Variants in PAQR8 observed in about 807,000 individuals in gnomAD.
PAQR8 encodes membrane progestin receptor beta.
A neutral mutation model predicts 25.2 loss-of-function variants in PAQR8; 17 were observed. The ratio of observed to expected loss-of-function variants is 0.67; its 90% CI spans 0.46 to 1.01. The LOEUF (loss-of-function observed/expected upper bound fraction) is 1.01, where lower values mean the gene tolerates loss of function less well. Among genes scored for constraint, PAQR8 ranks in the 50% least tolerant of loss-of-function variants. The pLI is 0.00. For missense variants in PAQR8, 392 were observed against 448.4 expected (o/e 0.87, Z 1.14); for synonymous variants, 204 against 190.6 (o/e 1.07, Z -0.58).
chr6:52,381,147 CA>C (rs71794438), intron 1 of PAQR8, among the ~76,000 whole-genome samples: 25,521 of 152,202 alleles, frequency 0.17, 2,469 homozygotes, highest in Non-Finnish European at 0.22. Flanking sequence ...TCTAAAGCTA[CA>C]ACACTAGCAG....
intron 1 of PAQR8, among the ~76,000 whole-genome samples, chr6:52,394,961 G>C (rs747605153): frequency 2.6e-5 from 4 of 151,900 alleles, no homozygotes; most frequent in Non-Finnish European, 5.9e-5. Flanking sequence ...GCGCTTCTAA[G>C]ATAAATTTTT....
At position 52,403,904 on chromosome 6, in the gene PAQR8, C is replaced by T. The variant is rs767947391; in HGVS notation, c.691C>T (p.Arg231Cys). The T allele has an allele frequency of 6.2e-7, 1 of 1,614,098 alleles. No individual in the cohort carries two copies. The highest frequency in any genetic ancestry group is 1.3e-5 in the African/African-American group (1 of 74,934). ...FILDISPVAH[R>C]VALCHLAGCQ... is the part of the protein sequence containing the mutation. The stretch of plus-strand genomic sequence containing the variant: ...CCTAGACATCAGCCCTGTGGCACAC[C>T]GTGTGGCGCTCTGTCACCTGGCTGG... The change falls in exon 2 of 2, where the codon CGT becomes TGT. Residue 231 changes from arginine to cysteine, a missense_variant. Physicochemically the swap from Arg to Cys is radical, Grantham distance 180 (BLOSUM62 -3). Transcript: ENST00000442253.
At chr6:52,397,258 A>T (rs75089818) in intron 1 of PAQR8, among the ~76,000 whole-genome samples, 1 of 152,062 alleles carries the variant, frequency 6.6e-6, no homozygotes, top group African/African-American at 2.4e-5. Context: ...TCCCTTCCTC[A>T]TTACTCCCCA....
Position 52,403,234 on chromosome 6 carries a change from G to A in PAQR8, c.21G>A (p.Glu7=), listed in dbSNP as rs763802734. 1.3e-6 allele frequency: 2 copies of A among 1,597,944 alleles called. No homozygotes were observed. The highest frequency in any genetic ancestry group is 1.7e-6 in the Non-Finnish European group (2 of 1,167,570). Residue 7 remains glutamate (E), a synonymous_variant, in exon 2 of 2, where the codon GAG becomes GAA. Transcript: ENST00000442253. ...CTGCCATGACGACCGCCATCTTGGA[G>A]CGCCTGAGCACCCTGTCGGTCAGCG... MTTAIL[E]RLSTLSVSGQ...
chr6:52,404,765 A>G lies in PAQR8; in HGVS notation c.*487A>G, dbSNP rs1038771380. The G allele has an allele frequency of 3.5e-5, 6 of 172,698 alleles. No individual in the cohort carries two copies. The highest frequency in any genetic ancestry group is 1.4e-4 in the African/African-American group (6 of 41,480). The allele number at this position is 172,698 out of a possible 1,614,324, so 10.7% of individuals were successfully genotyped here. On this transcript the variant is annotated 3_prime_UTR_variant, in exon 2 of 2. Transcript: ENST00000442253. ...GGATTTCAAATTGTCCAGAGTGGAA[A>G]AGCCTTCAAGATGACATGATGAATT...
In PAQR8 at chr6:52,376,727, G is replaced by T. The variant is rs190767068; in HGVS notation, c.-53+14478G>T. 1.4e-4 allele frequency among the ~76,000 whole-genome samples: 21 copies of T among 152,202 alleles called. No homozygotes were observed. The East Asian group carries it at 4.0e-3, about 29-fold the overall frequency. ...CATACTTAAGCTGAAATCACTTCTG[G>T]CTTACTGTTGTTCTTTATTTTCTGC... is the stretch of plus-strand genomic sequence containing the variant. On this transcript the variant is annotated intron_variant, in intron 1 of 1. Transcript: ENST00000442253.
chr6:52,384,265 G>A (rs975391216), intron 1 of PAQR8, among the ~76,000 whole-genome samples: 3 of 152,218 alleles, frequency 2.0e-5, no homozygotes, highest in African/African-American at 7.2e-5. Context: ...CATGGCTGAG[G>A]TTAAAAGGAA....
Position 52,403,226 on chromosome 6 carries a change from A to G in PAQR8, c.13A>G (p.Ile5Val), listed in dbSNP as rs572302477. ...GCGGGCCGCTGCCATGACGACCGCC[A>G]TCTTGGAGCGCCTGAGCACCCTGTC... MTTA[I>V]LERLSTLSVS... is the part of the protein sequence containing the mutation. Residue 5 changes from isoleucine to valine, a missense_variant, in exon 2 of 2, where the codon ATC (isoleucine) becomes GTC (valine). By Grantham distance (29) the Ile-to-Val change is conservative. Coordinates refer to ENST00000442253, the MANE Select transcript of PAQR8 (RefSeq NM_133367.5). The G allele has an allele frequency of 6.7e-5, 107 of 1,595,818 alleles. No homozygotes were observed. In the South Asian group the frequency reaches 1.1e-3, roughly 16 times the overall value.
intron 1 of PAQR8, among the ~76,000 whole-genome samples, chr6:52,363,404 T>C (rs1763313684): frequency 6.6e-6 from 1 of 152,152 alleles, no homozygotes; most frequent in African/African-American, 2.4e-5. Flanking sequence ...AAAAAATTAG[T>C]TATGGAGTGA....
rs375014343 is a variant in PAQR8, at chr6:52,377,574, T to C, written c.-53+15325T>C. On this transcript the variant is annotated intron_variant, in intron 1 of 1. Coordinates refer to ENST00000442253, the MANE Select transcript of PAQR8 (RefSeq NM_133367.5). Reference sequence around the variant, plus strand: ...ATATTCCACTTTAGAGAAAAAAATATCAAAACACAGGAAAATCAAATGCTA... The same window carrying C: ...ATATTCCACTTTAGAGAAAAAAATACCAAAACACAGGAAAATCAAATGCTA... Among the ~76,000 whole-genome samples the C allele has an allele frequency of 1.4e-4, 22 of 152,176 alleles. No individual in the cohort carries two copies. In the South Asian group the frequency reaches 3.7e-3, roughly 26 times the overall value.
intron 1 of PAQR8, among the ~76,000 whole-genome samples, chr6:52,394,780 G>A (rs1763747436): frequency 6.6e-6 from 1 of 152,054 alleles, no homozygotes; most frequent in African/African-American, 2.4e-5. Flanking sequence ...GGGTTTACTG[G>A]GCTATAACCC....
chr6:52,372,097 G>C (rs1763425934), intron 1 of PAQR8, among the ~76,000 whole-genome samples: 1 of 152,180 alleles, frequency 6.6e-6, no homozygotes, highest in Non-Finnish European at 1.5e-5. Context: ...CTGGAGGCAT[G>C]GAGTGCATTG....
chr6:52,374,033 T>C (rs1763452951), intron 1 of PAQR8, among the ~76,000 whole-genome samples: 1 of 152,120 alleles, frequency 6.6e-6, no homozygotes, highest in Non-Finnish European at 1.5e-5. Context: ...ATGTGACACC[T>C]CCCCACTCCC....
rs145159459 is a variant in PAQR8 at position 52,371,549 on chromosome 6, A to G, written c.-53+9300A>G. Among the ~76,000 whole-genome samples, 636 of 152,336 alleles carry G rather than the reference A, an allele frequency of 4.2e-3. 3 individuals carry two copies. The highest frequency in any genetic ancestry group is 0.012 in the African/African-American group (496 of 41,576). The stretch of plus-strand genomic sequence containing the variant: ...ATCTCTGTGGAAAAGAAGATTGAAC[A>G]CAGCTGCATCAAAATGTAAAAGAAA... On this transcript the variant is annotated intron_variant, in intron 1 of 1. Transcript: ENST00000442253.
At chr6:52,386,344 G>T (rs1581793568) in intron 1 of PAQR8, among the ~76,000 whole-genome samples, 1 of 152,140 alleles carries the variant, frequency 6.6e-6, no homozygotes, top group South Asian at 2.1e-4. Flanking sequence ...CACATTACTG[G>T]GTATGTACTC....
chr6:52,384,948 A>G (rs568181384), intron 1 of PAQR8, among the ~76,000 whole-genome samples: 1 of 152,354 alleles, frequency 6.6e-6, no homozygotes, highest in South Asian at 2.1e-4. Flanking sequence ...TGCTGGGAAA[A>G]CTGGCCAACC....
intron 1 of PAQR8, among the ~76,000 whole-genome samples, chr6:52,393,935 G>T (rs969814776): frequency 1.3e-5 from 2 of 152,262 alleles, no homozygotes; most frequent in South Asian, 4.1e-4. Flanking sequence ...CAGTGGTGTG[G>T]GCATTCCAGG....
intron 1 of PAQR8, among the ~76,000 whole-genome samples, chr6:52,373,797 C>T (rs1763449848): frequency 6.6e-6 from 1 of 151,572 alleles, no homozygotes; most frequent in Non-Finnish European, 1.5e-5. Flanking sequence ...AAGAACAGAG[C>T]AGACAGCAAG....
At chr6:52,364,323 A>G (rs1342749399) in intron 1 of PAQR8, among the ~76,000 whole-genome samples, 2 of 152,186 alleles carry the variant, frequency 1.3e-5, no homozygotes, top group African/African-American at 2.4e-5. Flanking sequence ...CAGGATAAGC[A>G]TATTTCCATT....
Sources: allele counts gnomAD v4.1 joint callset (sites outside exome capture counted in the v4.1 genomes callset), GRCh38; gene constraint gnomAD v4.1.1; transcripts MANE v1.5; gene names NCBI Gene and HGNC (gene_info 2026-07-23, HGNC 2026-07-21).